The following CATSPER2 variants were observed in gnomAD, a reference collection of about 807,000 sequenced individuals.
The protein encoded by CATSPER2 is cation channel sperm-associated protein 2.
Under a neutral mutation model 68.8 loss-of-function variants are expected in CATSPER2, and 56 were observed. The ratio of observed to expected loss-of-function variants is 0.81; its 90% CI spans 0.66 to 1.02. The LOEUF is 1.02. Among genes scored for constraint, CATSPER2 ranks in the 50% least tolerant of loss-of-function variants. The pLI is 0.00. For synonymous variants in CATSPER2, 198 were observed against 229.9 expected, an observed-to-expected ratio of 0.86 and a Z score of 1.26; for missense variants, 582 against 642.0, an observed-to-expected ratio of 0.91 and a Z score of 1.01.
At position 43,635,424 on chromosome 15, in the gene CATSPER2, G is replaced by C; in HGVS notation, c.1122-8C>G. Reference sequence around the variant, plus strand: ...TGTGACATGTTTTTTCTCCTGCAGAGCAAAAAAAAAAAAGAGCAAAGACAG... The same window carrying C: ...TGTGACATGTTTTTTCTCCTGCAGACCAAAAAAAAAAAAGAGCAAAGACAG... On this transcript the variant is annotated splice_polypyrimidine_tract_variant and splice_region_variant and intron_variant, in intron 9 of 12. Coordinates refer to ENST00000396879, the MANE Select transcript of CATSPER2 (RefSeq NM_172095.4). The C allele has an allele frequency of 6.3e-7, 1 of 1,589,396 alleles. No individual in the cohort carries two copies. Among genetic ancestry groups the C allele is most frequent in the East Asian group, 2.2e-5 (1 of 44,626 alleles).
At chr15:43,645,978 AT>A (rs1054608161) in intron 4 of CATSPER2, among the ~76,000 whole-genome samples, 2 of 151,894 alleles carry the variant, frequency 1.3e-5, no homozygotes, top group Non-Finnish European at 2.9e-5. Context: ...TTTTTAAGTA[AT>A]TTTTTTGGCT....
rs1304128122 is a variant in CATSPER2 at position 43,632,711 on chromosome 15, G to A, written c.1396+6C>T. ...AAAAACTCATTATTATAGTTCTTCG[G>A]CTCACCAATAGATTCAGAAAATCTG... On this transcript the variant is annotated splice_donor_region_variant and intron_variant, in intron 11 of 12. Coordinates refer to ENST00000396879, the MANE Select transcript of CATSPER2 (RefSeq NM_172095.4). The A allele has an allele frequency of 6.2e-7, 1 of 1,613,330 alleles. No homozygotes were observed. Among genetic ancestry groups the A allele is most frequent in the East Asian group, 2.2e-5 (1 of 44,858 alleles).
At position 43,630,514 on chromosome 15, in the gene CATSPER2, C is replaced by A; in HGVS notation, c.*187G>T. The A allele has an allele frequency of 7.6e-7, 1 of 1,314,492 alleles. No individual in the cohort carries two copies. The highest frequency in any genetic ancestry group is 1.0e-6 in the Non-Finnish European group (1 of 960,330). The allele number at this position is 1,314,492 out of a possible 1,614,324, so 81.4% of individuals were successfully genotyped here. A position where few individuals can be genotyped will look rare whatever the true frequency, so the allele number is the denominator to read the frequency against. On this transcript the variant is annotated 3_prime_UTR_variant, in exon 13 of 13. Transcript: ENST00000396879. ...TGATTACAAGCATCTGCCACCACAC[C>A]CAGCTAATTTTTTTGTATTTTTAGT...
At chr15:43,636,329 AT>A in intron 7 of CATSPER2, 110 bp from the exon 8 acceptor site, 1 of 1,445,134 alleles carries the variant, frequency 6.9e-7, no homozygotes. Context: ...GTTTGTTCTG[AT>A]TTTGGCTCCT....
intron 6 of CATSPER2, 162 bp downstream of exon 6, chr15:43,639,481 G>A: frequency 7.0e-6 from 6 of 862,000 alleles, no homozygotes; most frequent in Non-Finnish European, 1.1e-5. Flanking sequence ...TGGTCAGGCT[G>A]GTCTCGAACT....
Position 43,636,194 on chromosome 15 carries a change from CT to C in CATSPER2, c.867del (p.Val290CysfsTer47). 1 of 1,613,146 alleles carries C rather than the reference CT, an allele frequency of 6.2e-7. No homozygotes were observed. Among genetic ancestry groups the C allele is most frequent in the African/African-American group, 1.3e-5 (1 of 74,824 alleles). On this transcript the variant is annotated frameshift_variant, in exon 8 of 13. Coordinates refer to ENST00000396879, the MANE Select transcript of CATSPER2 (RefSeq NM_172095.4). LOFTEE classifies it high-confidence loss of function. ...TGATCCAAGGTGAAGAGAATGAACACTGTTACCAGGGAATTCGGGAGGTCCC... is the reference window on the plus strand; with the variant it reads ...TGATCCAAGGTGAAGAGAATGAACACGTTACCAGGGAATTCGGGAGGTCCC... ...FFSDLPNSLV[T>X]VFILFTLDHW...
chr15:43,638,144 A>C (rs550002170), intron 7 of CATSPER2, among the ~76,000 whole-genome samples: 1 of 150,874 alleles, frequency 6.6e-6, no homozygotes, highest in African/African-American at 2.4e-5. Flanking sequence ...TAGTAGAGAC[A>C]GGGTTTCACC....
intron 10 of CATSPER2, chr15:43,635,008 C>T (rs2085938118): frequency 9.3e-6 from 3 of 323,688 alleles, no homozygotes; most frequent in South Asian, 7.0e-5. Flanking sequence ...TGGCATTAGC[C>T]CCAACCTCTA....
chr15:43,648,845 G>A (rs761044687), upstream of CATSPER2: 122 of 1,526,426 alleles, frequency 8.0e-5, 1 homozygote, highest in East Asian at 1.1e-3. Context: ...GCGGAGCAAC[G>A]CTCGCCCAGC....
intron 7 of CATSPER2, among the ~76,000 whole-genome samples, chr15:43,638,106 C>A (rs963286958): frequency 2.6e-5 from 4 of 151,080 alleles, no homozygotes; most frequent in Middle Eastern, 3.4e-3. Flanking sequence ...AGGCGCCCAC[C>A]ACCACACCTG....
At chr15:43,648,880 G>A (rs1162401768), upstream of CATSPER2, 16 of 1,494,640 alleles carry the variant, frequency 1.1e-5, no homozygotes, top group East Asian at 1.5e-4. Flanking sequence ...GCCCCGCCCC[G>A]CCCCGCTCTC....
chr15:43,640,874 G>C (rs2086060085), intron 4 of CATSPER2, among the ~76,000 whole-genome samples: 1 of 151,570 alleles, frequency 6.6e-6, no homozygotes, highest in Non-Finnish European at 1.5e-5. Context: ...AGAAAGCAAT[G>C]GGTCTTGAGA....
intron 4 of CATSPER2, among the ~76,000 whole-genome samples, chr15:43,646,290 T>C (rs183985106): frequency 2.3e-4 from 31 of 136,860 alleles, no homozygotes; most frequent in African/African-American, 1.0e-3. Flanking sequence ...AATATTAATA[T>C]TTCTTTTTTT....
chr15:43,638,828 A>T (rs2086014572), intron 7 of CATSPER2, 76 bp downstream of exon 7: 2 of 1,547,912 alleles, frequency 1.3e-6, no homozygotes, highest in Non-Finnish European at 1.8e-6. Flanking sequence ...TTTTTATATT[A>T]CTATACTTTG....
At position 43,639,027 on chromosome 15, in the gene CATSPER2, C is replaced by T. The variant is rs2086020540; in HGVS notation, c.719G>A (p.Ser240Asn). The T allele has an allele frequency of 2.5e-6, 4 of 1,612,058 alleles. No homozygotes were observed. The highest frequency in any genetic ancestry group is 2.2e-5 in the South Asian group (2 of 90,980). Residue 240 changes from serine (S) to asparagine (N), a missense_variant and splice_region_variant, in exon 7 of 13, where the codon AGC becomes AAC. Physicochemically the swap from Ser to Asn is conservative, Grantham distance 46. Coordinates refer to ENST00000396879, the MANE Select transcript of CATSPER2 (RefSeq NM_172095.4). ...IILVLVRALKSMTFLLMLLLI... is the reference protein window; with the variant it reads ...IILVLVRALKNMTFLLMLLLI... ...CAGCAACATCAAGAGGAAGGTCATG[C>T]TCTAGAGGCCATAACTCTCATGTCA...
In CATSPER2 at chr15:43,632,286, G is replaced by A. The variant is rs2085887300; in HGVS notation, c.1474C>T (p.Pro492Ser). The A allele has an allele frequency of 6.2e-7, 1 of 1,613,678 alleles. No individual in the cohort carries two copies. Among genetic ancestry groups the A allele is most frequent in the Admixed American group, 1.7e-5 (1 of 59,978 alleles). Residue 492 changes from proline to serine, a missense_variant, in exon 12 of 13, where the codon CCC becomes TCC. Coordinates refer to ENST00000396879, the MANE Select transcript of CATSPER2 (RefSeq NM_172095.4). ...MEMDQDDRVWPRDSLFRYFEL... is the reference protein window; with the variant it reads ...MEMDQDDRVWSRDSLFRYFEL... ...AAATATCGGAAGAGTGAGTCTCTGG[G>A]CCAAACACGGTCATCCTGATCCATT...
Position 43,648,824 on chromosome 15 carries a change from C to T in CATSPER2, c.-198G>A, listed in dbSNP as rs1268092857. The T allele has an allele frequency of 6.5e-7, 1 of 1,533,230 alleles. No homozygotes were observed. Among genetic ancestry groups the T allele is most frequent in the South Asian group, 1.2e-5 (1 of 83,510 alleles). The allele number at this position is 1,533,230 out of a possible 1,614,324, so 95.0% of individuals were successfully genotyped here. A position where few individuals can be genotyped will look rare whatever the true frequency, so the allele number is the denominator to read the frequency against. ...ACCCGGCCCTAGCCCCTACCCACAG[C>T]CCAGGACCATGCGGAGCAACGCTCG... On this transcript the variant is annotated 5_prime_UTR_variant, in exon 1 of 13. Coordinates refer to ENST00000396879, the MANE Select transcript of CATSPER2 (RefSeq NM_172095.4).
intron 8 of CATSPER2, 35 bp downstream of exon 8, chr15:43,636,006 A>C: frequency 6.9e-7 from 1 of 1,439,990 alleles, no homozygotes; most frequent in South Asian, 1.2e-5. Context: ...TCCCAACCAC[A>C]CTTCCCAAAC....
Position 43,639,583 on chromosome 15 carries a change from T to C in CATSPER2, c.717+60A>G. 6.8e-6 allele frequency: 11 copies of C among 1,609,816 alleles called. No individual in the cohort carries two copies. The South Asian group carries it at 1.2e-4, about 18-fold the overall frequency. On this transcript the variant is annotated intron_variant, in intron 6 of 12. Transcript: ENST00000396879. Reference sequence around the variant, plus strand: ...CCCGGCCAATTTGTTTCATATTCTATGTTAAGCCCTCACATTTATCTACCT... The same window carrying C: ...CCCGGCCAATTTGTTTCATATTCTACGTTAAGCCCTCACATTTATCTACCT...
Sources: gnomAD v4.1 joint callset for allele counts (sites outside exome capture counted in the v4.1 genomes callset) on GRCh38, gnomAD v4.1.1 for gene constraint, MANE v1.5 for transcripts, NCBI Gene and HGNC (gene_info 2026-07-23, HGNC 2026-07-21) for gene names.